PKD1L3: variants seen among roughly 807,000 people sequenced by gnomAD.
PKD1L3 encodes polycystin 1 like 3, transient receptor potential channel interacting.
PKD1L3 carries 239 observed loss-of-function variants against 184.1 expected under a neutral mutation model. That is an observed-to-expected ratio of 1.30 (90% CI 1.17 to 1.45). PKD1L3 has a LOEUF of 1.45. Ranked by LOEUF, PKD1L3 falls within the 40% of genes most tolerant of loss-of-function variation. The pLI, the probability that PKD1L3 is intolerant of heterozygous loss-of-function variation, is 0.00. For missense variants in PKD1L3, 2,660 were observed against 2,067.2 expected, an observed-to-expected ratio of 1.29 and a Z score of -5.56; for synonymous variants, 996 against 778.8, an observed-to-expected ratio of 1.28 and a Z score of -4.64.
intron 15 of PKD1L3, among the ~76,000 whole-genome samples, chr16:71,965,023 T>A (rs897499669): frequency 5.9e-5 from 9 of 151,928 alleles, no homozygotes; most frequent in Non-Finnish European, 1.2e-4. Context: ...ATTTTTGTAT[T>A]TTTTTGTAGA....
Position 71,986,295 on chromosome 16 carries a change from T to C in PKD1L3, c.760A>G (p.Ser254Gly). Residue 254 changes from serine (S) to glycine (G), a missense_variant, in exon 5 of 30, where the codon AGC becomes GGC. Coordinates refer to ENST00000620267, the MANE Select transcript of PKD1L3 (RefSeq NM_181536.2). ...AGQSLAETTSSPKEEGHPNTF... is the reference protein window; with the variant it reads ...AGQSLAETTSGPKEEGHPNTF... ...TTCGGATGACCTTCTTCCTTTGGGC[T>C]TGAAGTTGTTTCTGCCAGAGATTGC... is the stretch of plus-strand genomic sequence containing the variant. 1.3e-6 allele frequency: 2 copies of C among 1,552,216 alleles called. No individual in the cohort carries two copies. The highest frequency in any genetic ancestry group is 1.7e-6 in the Non-Finnish European group (2 of 1,147,094).
chr16:71,986,353 CTG>C lies in PKD1L3; in HGVS notation c.700_701del (p.Gln234AlafsTer48), dbSNP rs764717427. On this transcript the variant is annotated frameshift_variant, in exon 5 of 30. Coordinates refer to ENST00000620267, the MANE Select transcript of PKD1L3 (RefSeq NM_181536.2). LOFTEE classifies it high-confidence loss of function. ...GCGTGACAGACACGGGCATGGTGAGCTGTGTTATCACAGGGAGAGGCTGGCTG... is the reference window on the plus strand; with the variant it reads ...GCGTGACAGACACGGGCATGGTGAGCTGTTATCACAGGGAGAGGCTGGCTG... ...PSSQPLPVITQLTMPVSVTHA... is the reference protein window; with the variant it reads ...PSSQPLPVITXLTMPVSVTHA... The C allele has an allele frequency of 1.1e-4, 166 of 1,551,322 alleles. No homozygotes were observed. The highest frequency in any genetic ancestry group is 1.0e-3 in the Middle Eastern group (6 of 6,014).
chr16:71,943,697 A>C (rs2038450391), intron 23 of PKD1L3, among the ~76,000 whole-genome samples: 1 of 152,186 alleles, frequency 6.6e-6, no homozygotes, highest in African/African-American at 2.4e-5. Flanking sequence ...GAATCCAATA[A>C]TGAACTAGAT....
intron 17 of PKD1L3, 92 bp downstream of exon 17, chr16:71,954,013 C>A: frequency 8.7e-7 from 1 of 1,148,286 alleles, no homozygotes. Context: ...GCCAGGAGTT[C>A]TAGACCAGCC....
At chr16:71,941,307 A>T (rs148362552) in intron 24 of PKD1L3, among the ~76,000 whole-genome samples, 10 of 152,228 alleles carry the variant, frequency 6.6e-5, no homozygotes, top group Middle Eastern at 6.8e-3. Flanking sequence ...GAACAATAAG[A>T]GACTATGAAA....
intron 9 of PKD1L3, 102 bp downstream of exon 9, chr16:71,979,684 G>T: frequency 7.5e-7 from 1 of 1,341,340 alleles, no homozygotes. Context: ...CATCTGATCT[G>T]GTCTGTTCAG....
Position 71,954,179 on chromosome 16 carries a change from A to G in PKD1L3, c.2735T>C (p.Leu912Pro). The G allele has an allele frequency of 1.3e-6, 2 of 1,551,792 alleles. No homozygotes were observed. The highest frequency in any genetic ancestry group is 1.7e-6 in the Non-Finnish European group (2 of 1,146,956). ...RVQRLSCCMT[L>P]LLCNMVINVM... ...ATTGATGACCATGTTGCAGAGTAGC[A>G]GTGTCATGCAGCAAGACAGCCGTTG... Residue 912 changes from leucine (L) to proline (P), a missense_variant, in exon 17 of 30, where the codon CTG becomes CCG. By Grantham distance (98) the Leu-to-Pro change is moderately conservative (BLOSUM62 -3). Coordinates refer to ENST00000620267, the MANE Select transcript of PKD1L3 (RefSeq NM_181536.2).
At chr16:71,953,182 G>T in intron 17 of PKD1L3, 89 bp from the exon 18 acceptor site, 1 of 1,084,532 alleles carries the variant, frequency 9.2e-7, no homozygotes, top group Non-Finnish European at 1.3e-6. Flanking sequence ...TATTTACTGA[G>T]GAAGTTAACT....
In PKD1L3 at chr16:71,969,900, T is replaced by C; in HGVS notation, c.2159A>G (p.Lys720Arg). 6.4e-7 allele frequency: 1 copy of C among 1,550,510 alleles called. No homozygotes were observed. Among genetic ancestry groups the C allele is most frequent in the Non-Finnish European group, 8.7e-7 (1 of 1,145,670 alleles). The change falls in exon 13 of 30, where the codon AAA becomes AGA. Residue 720 changes from lysine (K) to arginine (R), a missense_variant. Transcript: ENST00000620267. ...CTTCTGCATATCTGCTTGATCCTTT[T>C]TCCGAGCCCACACAACTGTGATCAC... ...FYVITVVWAR[K>R]KDQADMQKVK...
chr16:71,986,914 ATTTTTTTTTTTT>A (rs71153694), intron 4 of PKD1L3, among the ~76,000 whole-genome samples: 2 of 81,362 alleles, frequency 2.5e-5, no homozygotes, highest in African/African-American at 1.1e-4. Context: ...TAAGGAGAGG[ATTTTTTTTTTTT>A]TTTTTTTTTT....
chr16:71,953,107 A>T lies in PKD1L3; in HGVS notation c.2810-14T>A, dbSNP rs934296023. Reference sequence around the variant, plus strand: ...CAAATGGACGCACTGAAAGAAAAGCATGACATCAACTTTCATCTTCAACAA... The same window carrying T: ...CAAATGGACGCACTGAAAGAAAAGCTTGACATCAACTTTCATCTTCAACAA... On this transcript the variant is annotated splice_polypyrimidine_tract_variant and intron_variant, in intron 17 of 29. Transcript: ENST00000620267. 10 of 1,449,154 alleles carry T rather than the reference A, an allele frequency of 6.9e-6. No homozygotes were observed. The highest frequency in any genetic ancestry group is 1.5e-5 in the African/African-American group (1 of 68,000). 89.8% of individuals were successfully genotyped at this position (1,449,154 alleles called of 1,614,324 possible).
intron 15 of PKD1L3, among the ~76,000 whole-genome samples, chr16:71,964,971 C>A (rs1314149498): frequency 6.6e-6 from 1 of 152,022 alleles, no homozygotes; most frequent in Non-Finnish European, 1.5e-5. Context: ...CTCAGCCCCC[C>A]AAGTAGCTGG....
At position 71,986,235 on chromosome 16, in the gene PKD1L3, T is replaced by C. The variant is rs12708923; in HGVS notation, c.820A>G (p.Lys274Glu). Residue 274 changes from lysine (K) to glutamate (E), a missense_variant, in exon 5 of 30, where the codon AAG (lysine) becomes GAG (glutamate). Transcript: ENST00000620267. ...FTSYLQVSLQ[K>E]ASGQVIDEIA... is the part of the protein sequence containing the mutation. ...CCCATGTTTACCTGACCAGATGCCT[T>C]CTGCAATGACACTTGTAGATAAGAG... is the stretch of plus-strand genomic sequence containing the variant. 804,867 of 1,551,762 alleles carry C rather than the reference T, an allele frequency of 0.52. 211,276 individuals are homozygous for C. Among genetic ancestry groups the C allele is most frequent in the African/African-American group, 0.67 (48,793 of 73,076 alleles).
Position 71,986,451 on chromosome 16 carries a change from G to C in PKD1L3, c.604C>G (p.Pro202Ala). 6.4e-7 allele frequency: 1 copy of C among 1,551,858 alleles called. No homozygotes were observed. The highest frequency in any genetic ancestry group is 8.7e-7 in the Non-Finnish European group (1 of 1,146,816). ...AGTACTGAAGGAAACTGGCTGATGG[G>C]ATGACACAGGGTCTTGGACTAAAAG... ...PAHLSKTLCH[P>A]ISQFPSVLSS... Residue 202 changes from proline to alanine, a missense_variant, in exon 5 of 30, where the codon CCC becomes GCC. Transcript: ENST00000620267.
chr16:71,986,176 T>C (rs755580840), intron 5 of PKD1L3, 45 bp downstream of exon 5: 35 of 1,544,396 alleles, frequency 2.3e-5, no homozygotes, highest in Non-Finnish European at 2.8e-5. Context: ...CAAGTACTTT[T>C]TGGGGGTCAC....
chr16:71,972,773 C>G (rs945684220), intron 12 of PKD1L3, among the ~76,000 whole-genome samples: 3 of 152,164 alleles, frequency 2.0e-5, no homozygotes, highest in Non-Finnish European at 4.4e-5. Flanking sequence ...ATTTGCAAGA[C>G]CTTACACCAC....
Position 71,937,324 on chromosome 16 carries a change from AATAG to A in PKD1L3, c.4416_4419del (p.Tyr1473IlefsTer15), listed in dbSNP as rs1328371666. The A allele has an allele frequency of 1.3e-6, 2 of 1,551,618 alleles. No individual in the cohort carries two copies. Among genetic ancestry groups the A allele is most frequent in the Non-Finnish European group, 1.7e-6 (2 of 1,146,934 alleles). On this transcript the variant is annotated frameshift_variant, in exon 25 of 30. Transcript: ENST00000620267. LOFTEE classifies it high-confidence loss of function. ...AAGGCATAGTAACAGACCAGTAGAT[AATAG>A]ATGACTTGTGAGATGATAGACCAGA...
intron 18 of PKD1L3, among the ~76,000 whole-genome samples, chr16:71,951,990 C>T (rs1018472916): frequency 6.6e-6 from 1 of 152,070 alleles, no homozygotes; most frequent in African/African-American, 2.4e-5. Flanking sequence ...ACATCAAAGA[C>T]TAAAGCAAGG....
intron 28 of PKD1L3, among the ~76,000 whole-genome samples, chr16:71,932,295 G>A (rs1163539360): frequency 3.3e-5 from 5 of 152,260 alleles, no homozygotes; most frequent in Admixed American, 1.3e-4. Flanking sequence ...ACATACCAGG[G>A]TTTGGAGCCC....
Sources: allele counts gnomAD v4.1 joint callset (sites outside exome capture counted in the v4.1 genomes callset), GRCh38; gene constraint gnomAD v4.1.1; transcripts MANE v1.5; gene names NCBI Gene and HGNC (gene_info 2026-07-23, HGNC 2026-07-21).